ZNF316: variants seen among roughly 807,000 people sequenced by gnomAD.
ZNF316 encodes the protein zinc finger protein 316.
ZNF316 carries 23 observed loss-of-function variants against 75.6 expected under a neutral mutation model. The observed-to-expected ratio is 0.30, with a 90% CI of 0.22 to 0.43. The LOEUF (loss-of-function observed/expected upper bound fraction) is 0.43, where lower values mean the gene tolerates loss of function less well. ZNF316 is among the 20% of genes least tolerant of loss of function. The pLI is 1.00. For synonymous variants in ZNF316, 827 were observed against 666.2 expected (o/e 1.24, Z -3.72); for missense variants, 1,266 against 1,409.4 (o/e 0.90, Z 1.63).
rs1401535649 is a variant in ZNF316 at position 6,657,862 on chromosome 7, C to A, written c.*3251C>A. 7.1e-6 allele frequency among the ~76,000 whole-genome samples: 1 copy of A among 141,352 alleles called. No homozygotes were observed. The highest frequency in any genetic ancestry group is 2.6e-5 in the African/African-American group (1 of 38,906). 92.7% of individuals were successfully genotyped at this position (141,352 alleles called of 152,430 possible). The stretch of plus-strand genomic sequence containing the variant: ...AAAAAAAAAAAAAAAAAAAAAGGTT[C>A]CCCGATAGAACTTATAGTTGACTGT... On this transcript the variant is annotated 3_prime_UTR_variant, in exon 9 of 9. Coordinates refer to ENST00000382252, the MANE Select transcript of ZNF316 (RefSeq NM_001278559.2).
At chr7:6,650,161 C>T (rs1371220081) in intron 8 of ZNF316, among the ~76,000 whole-genome samples, 1 of 152,220 alleles carries the variant, frequency 6.6e-6, no homozygotes, top group Non-Finnish European at 1.5e-5. Context: ...GAGATCCTTT[C>T]GAGCTCTCTG....
At chr7:6,651,524 G>A (rs1779507085) in intron 8 of ZNF316, among the ~76,000 whole-genome samples, 1 of 151,992 alleles carries the variant, frequency 6.6e-6, no homozygotes, top group Non-Finnish European at 1.5e-5. Flanking sequence ...CTGCGGTGCT[G>A]TGCGCCTGTA....
chr7:6,653,856 G>T lies in ZNF316; in HGVS notation c.2260G>T (p.Ala754Ser). The change falls in exon 9 of 9, where the codon GCG becomes TCG. Residue 754 changes from alanine (A) to serine (S), a missense_variant. Around this residue, in one of 3 missense-constraint regions of ZNF316, gnomAD observed 194 missense variants for 319.2 expected, o/e 0.61. Coordinates refer to ENST00000382252, the MANE Select transcript of ZNF316 (RefSeq NM_001278559.2). ...ERPFPCPECGARFARGSHLAA... is the reference protein window; with the variant it reads ...ERPFPCPECGSRFARGSHLAA... Reference sequence around the variant, plus strand: ...GCCCTTCCCGTGCCCCGAGTGCGGCGCGCGGTTCGCCCGCGGCTCGCACTT... The same window carrying T: ...GCCCTTCCCGTGCCCCGAGTGCGGCTCGCGGTTCGCCCGCGGCTCGCACTT... 1 of 1,076,662 alleles carries T rather than the reference G, an allele frequency of 9.3e-7. No homozygotes were observed. Among genetic ancestry groups the T allele is most frequent in the Non-Finnish European group, 1.1e-6 (1 of 888,892 alleles). The allele number at this position is 1,076,662 out of a possible 1,614,324, so 66.7% of individuals were successfully genotyped here.
intron 8 of ZNF316, among the ~76,000 whole-genome samples, chr7:6,645,993 C>CAA (rs58670070): frequency 0.38 from 37,786 of 98,556 alleles, 7,464 homozygotes; most frequent in Non-Finnish European, 0.48. Flanking sequence ...GACGCCATCT[C>CAA]AAAAAAAAAA....
In ZNF316 at chr7:6,653,989, C is replaced by T; in HGVS notation, c.2393C>T (p.Thr798Ile). The change falls in exon 9 of 9, where the codon ACC becomes ATC. Residue 798 changes from threonine (T) to isoleucine (I), a missense_variant. Transcript: ENST00000382252. ...TTGACGGCGCACGGGCGCGCGCACA[C>T]CGGGGAGCGGCCTTACGCGTGTGGA... is the stretch of plus-strand genomic sequence containing the variant. ...AHLTAHGRAH[T>I]GERPYACGEC... is the part of the protein sequence containing the mutation. The T allele has an allele frequency of 8.5e-7, 1 of 1,180,346 alleles. No individual in the cohort carries two copies. Among genetic ancestry groups the T allele is most frequent in the Non-Finnish European group, 1.0e-6 (1 of 955,446 alleles). 73.1% of individuals were successfully genotyped at this position (1,180,346 alleles called of 1,614,324 possible). A position where few individuals can be genotyped will look rare whatever the true frequency, so the allele number is the denominator to read the frequency against.
rs1385670140 is a variant in ZNF316, at chr7:6,653,564, C to T, written c.1968C>T (p.Gly656=). Residue 656 remains glycine (G), a synonymous_variant, in exon 9 of 9, where the codon GGC becomes GGT. Transcript: ENST00000382252. ...TGLACDPFGG[G]GAAGGGGGLR... Reference sequence around the variant, plus strand: ...TGGCGTGCGACCCTTTCGGCGGCGGCGGGGCCGCGGGCGGCGGAGGCGGCC... The same window carrying T: ...TGGCGTGCGACCCTTTCGGCGGCGGTGGGGCCGCGGGCGGCGGAGGCGGCC... 8 of 1,133,796 alleles carry T rather than the reference C, an allele frequency of 7.1e-6. No homozygotes were observed. The East Asian group carries it at 2.6e-4, about 37-fold the overall frequency. 70.2% of individuals were successfully genotyped at this position (1,133,796 alleles called of 1,614,324 possible).
rs1779649448 is a variant in ZNF316, at chr7:6,657,603, G to A, written c.*2992G>A. 6.6e-6 allele frequency among the ~76,000 whole-genome samples: 1 copy of A among 152,074 alleles called. No individual in the cohort carries two copies. The highest frequency in any genetic ancestry group is 2.1e-4 in the South Asian group (1 of 4,836). The stretch of plus-strand genomic sequence containing the variant: ...CCCAGCACTATGGGAGGCCAAGGCG[G>A]ATCCCTTGAGCTCAGATGGATTCCT... On this transcript the variant is annotated 3_prime_UTR_variant, in exon 9 of 9. Transcript: ENST00000382252.
intron 8 of ZNF316, among the ~76,000 whole-genome samples, chr7:6,645,251 C>G (rs965259392): frequency 6.6e-6 from 1 of 152,162 alleles, no homozygotes; most frequent in African/African-American, 2.4e-5. Flanking sequence ...CGTGGAGGTC[C>G]TTAGTGGTGT....
intron 8 of ZNF316, among the ~76,000 whole-genome samples, chr7:6,648,168 G>A (rs1779443055): frequency 6.6e-6 from 1 of 152,130 alleles, no homozygotes; most frequent in Admixed American, 6.5e-5. Context: ...GGGCCTGAGG[G>A]CCTTGGCACT....
chr7:6,653,716 C>T lies in ZNF316; in HGVS notation c.2120C>T (p.Ala707Val), dbSNP rs1351183312. ...GKTFGRRAAL[A>V]KHQRYHAGER... ...ACGTTTGGGCGCCGGGCCGCGCTGGCCAAGCACCAGCGCTACCACGCGGGC... is the reference window on the plus strand; with the variant it reads ...ACGTTTGGGCGCCGGGCCGCGCTGGTCAAGCACCAGCGCTACCACGCGGGC... The change falls in exon 9 of 9, where the codon GCC (alanine) becomes GTC (valine). Residue 707 changes from alanine to valine, a missense_variant. By Grantham distance (64) the Ala-to-Val change is moderately conservative. This residue lies in a region of ZNF316 where 961 missense variants were observed against 990.9 expected (regional missense o/e 0.97). Transcript: ENST00000382252. 3.5e-5 allele frequency: 38 copies of T among 1,099,852 alleles called. No homozygotes were observed. Among genetic ancestry groups the T allele is most frequent in the Non-Finnish European group, 4.2e-5 (38 of 901,922 alleles). 68.1% of individuals were successfully genotyped at this position (1,099,852 alleles called of 1,614,324 possible).
rs1198273859 is a variant in ZNF316 at position 6,637,511 on chromosome 7, T to C, written c.-431+64T>C. On this transcript the variant is annotated intron_variant, in intron 1 of 8. Coordinates refer to ENST00000382252, the MANE Select transcript of ZNF316 (RefSeq NM_001278559.2). The surrounding 1 kb of genome is among the most constrained non-coding windows in gnomAD (Gnocchi z 6.2). Reference sequence around the variant, plus strand: ...GCGGCAGGTGCGGGCGGGCCGGGCTTGCGCTCGGGGGCGGCGGCGGCGGCG... The same window carrying C: ...GCGGCAGGTGCGGGCGGGCCGGGCTCGCGCTCGGGGGCGGCGGCGGCGGCG... 6.9e-6 allele frequency: 1 copy of C among 145,586 alleles called. No homozygotes were observed. The highest frequency in any genetic ancestry group is 1.5e-5 in the Non-Finnish European group (1 of 65,340). The allele number at this position is 145,586 out of a possible 1,614,324, so 9.0% of individuals were successfully genotyped here. A position where few individuals can be genotyped will look rare whatever the true frequency, so the allele number is the denominator to read the frequency against.
At chr7:6,644,106 C>T (rs150489163) in intron 7 of ZNF316, among the ~76,000 whole-genome samples, 158 bp downstream of exon 7, 5,358 of 152,230 alleles carry the variant, frequency 0.035, 125 homozygotes, top group Non-Finnish European at 0.044. Context: ...CCCATGGCCC[C>T]TGGGTGGGGC....
Position 6,642,813 on chromosome 7 carries a change from G to A in ZNF316, c.355+49G>A, listed in dbSNP as rs1779334306. ...GGAGGAGATGAAGGGGGCTGAGGTGGGCCAGGCCAGGGACCTGGTCAAGCC... is the reference window on the plus strand; with the variant it reads ...GGAGGAGATGAAGGGGGCTGAGGTGAGCCAGGCCAGGGACCTGGTCAAGCC... On this transcript the variant is annotated intron_variant, in intron 5 of 8. Transcript: ENST00000382252. This position sits in a 1 kb window ranked among gnomAD's most constrained non-coding sequence, Gnocchi z 8.1. 2 of 1,232,502 alleles carry A rather than the reference G, an allele frequency of 1.6e-6. No homozygotes were observed. The highest frequency in any genetic ancestry group is 6.2e-4 in the Middle Eastern group (2 of 3,238). The allele number at this position is 1,232,502 out of a possible 1,614,324, so 76.3% of individuals were successfully genotyped here.
Position 6,653,145 on chromosome 7 carries a change from C to T in ZNF316, c.1549C>T (p.Pro517Ser), listed in dbSNP as rs1383815410. The T allele has an allele frequency of 3.4e-6, 4 of 1,176,764 alleles. No individual in the cohort carries two copies. Among genetic ancestry groups the T allele is most frequent in the Non-Finnish European group, 2.1e-6 (2 of 953,156 alleles). The allele number at this position is 1,176,764 out of a possible 1,614,324, so 72.9% of individuals were successfully genotyped here. A position where few individuals can be genotyped will look rare whatever the true frequency, so the allele number is the denominator to read the frequency against. ...GGCAEAGGDG[P>S]RREPGETAAA... ...CTGCGCGGAGGCGGGTGGTGACGGC[C>T]CCCGGCGGGAGCCCGGCGAGACGGC... Residue 517 changes from proline to serine, a missense_variant, in exon 9 of 9, where the codon CCC becomes TCC. Pro to Ser is a moderately conservative substitution (Grantham distance 74). Transcript: ENST00000382252.
Position 6,657,520 on chromosome 7 carries a change from C to G in ZNF316, c.*2909C>G, listed in dbSNP as rs1003033890. Reference sequence around the variant, plus strand: ...TTAAAAAATGGAGCCCCTTGAGGATCTTACAGTCTATTCAGAAAAGTTAAA... The same window carrying G: ...TTAAAAAATGGAGCCCCTTGAGGATGTTACAGTCTATTCAGAAAAGTTAAA... On this transcript the variant is annotated 3_prime_UTR_variant, in exon 9 of 9. Transcript: ENST00000382252. Among the ~76,000 whole-genome samples the G allele has an allele frequency of 2.0e-5, 3 of 151,968 alleles. No homozygotes were observed. The highest frequency in any genetic ancestry group is 1.3e-4 in the Admixed American group (2 of 15,232).
chr7:6,649,620 C>T lies in ZNF316; in HGVS notation c.707-2683C>T, dbSNP rs1173970778. 3.3e-5 allele frequency among the ~76,000 whole-genome samples: 5 copies of T among 152,280 alleles called. No homozygotes were observed. The South Asian group carries it at 8.3e-4, about 25-fold the overall frequency. On this transcript the variant is annotated intron_variant, in intron 8 of 8. Transcript: ENST00000382252. ...CCTGGCCTGGGGCAGGCTGGTCTCC[C>T]TCTGGGACCCTTCCCAGGGGCCCTG...
intron 8 of ZNF316, among the ~76,000 whole-genome samples, chr7:6,646,564 C>T (rs565182451): frequency 1.1e-3 from 173 of 152,298 alleles, no homozygotes; most frequent in African/African-American, 4.1e-3. Flanking sequence ...CCAGTGCCTC[C>T]TGCATCCCCT....
Position 6,654,026 on chromosome 7 carries a change from G to A in ZNF316, c.2430G>A (p.Arg810=), listed in dbSNP as rs1292970231. 1.0e-5 allele frequency: 12 copies of A among 1,193,682 alleles called. No homozygotes were observed. In the African/African-American group the frequency reaches 1.8e-4, roughly 18 times the overall value. The allele number at this position is 1,193,682 out of a possible 1,614,324, so 73.9% of individuals were successfully genotyped here. The part of the protein sequence containing the change: ...ERPYACGECG[R]RFGQSAALTR... ...CTTACGCGTGTGGAGAGTGCGGCCGGCGCTTCGGGCAGAGCGCGGCGCTGA... is the reference window on the plus strand; with the variant it reads ...CTTACGCGTGTGGAGAGTGCGGCCGACGCTTCGGGCAGAGCGCGGCGCTGA... Residue 810 remains arginine (R), a synonymous_variant, in exon 9 of 9, where the codon CGG becomes CGA. Transcript: ENST00000382252.
At chr7:6,645,272 C>T (rs1251351719) in intron 8 of ZNF316, among the ~76,000 whole-genome samples, 1 of 152,188 alleles carries the variant, frequency 6.6e-6, no homozygotes. Context: ...CTGAGGGGCT[C>T]CTAGCGTCAG....
Sources: gnomAD v4.1 joint callset for allele counts (sites outside exome capture counted in the v4.1 genomes callset) on GRCh38, gnomAD v4.1.1 for gene constraint, gnomAD v4.1.1 regional missense constraint, Gnocchi (gnomAD v3.1) non-coding constraint, MANE v1.5 for transcripts, NCBI Gene and HGNC (gene_info 2026-07-23, HGNC 2026-07-21) for gene names.